The following ARHGAP26 variants were observed in gnomAD, a reference collection of about 807,000 sequenced individuals.
ARHGAP26 encodes Rho GTPase activating protein 26, also known as rho GTPase-activating protein 26.
Under a neutral mutation model 104.8 loss-of-function variants are expected in ARHGAP26, and 38 were observed. That is an observed-to-expected ratio of 0.36 (90% confidence interval 0.28 to 0.48). The LOEUF is 0.48. Among genes scored for constraint, ARHGAP26 ranks in the 20% least tolerant of loss-of-function variants. ARHGAP26 has a pLI of 0.99. For synonymous variants in ARHGAP26, 341 were observed against 340.0 expected, an observed-to-expected ratio of 1.00 and a Z score of -0.03; for missense variants, 704 against 947.9, an observed-to-expected ratio of 0.74 and a Z score of 3.38.
At chr5:143,020,258 T>C (rs896687362) in intron 12 of ARHGAP26, among the ~76,000 whole-genome samples, 4 of 152,054 alleles carry the variant, frequency 2.6e-5, no homozygotes, top group Non-Finnish European at 5.9e-5. Context: ...TTCTGGGAGT[T>C]CTTAAGGGCA....
chr5:143,094,775 G>A (rs1255984662), intron 17 of ARHGAP26, among the ~76,000 whole-genome samples: 1 of 152,128 alleles, frequency 6.6e-6, no homozygotes, highest in Non-Finnish European at 1.5e-5. Flanking sequence ...GAGAGTGATG[G>A]GGTGAGTGGT....
chr5:142,840,428 TTTG>T (rs901314953), intron 1 of ARHGAP26, among the ~76,000 whole-genome samples: 5 of 152,194 alleles, frequency 3.3e-5, no homozygotes, highest in African/African-American at 7.2e-5. Flanking sequence ...AATCACTGTT[TTTG>T]TTGTTGTTGT....
At chr5:142,949,198 A>AGGAGAGAG (rs1554167181) in intron 11 of ARHGAP26, among the ~76,000 whole-genome samples, 10 of 31,524 alleles carry the variant, frequency 3.2e-4, no homozygotes, top group East Asian at 2.5e-3. Context: ...AGAGAGAGAG[A>AGGAGAGAG]GAGAGAGAGA....
At chr5:142,831,215 C>G (rs118184223) in intron 1 of ARHGAP26, among the ~76,000 whole-genome samples, 3 of 152,146 alleles carry the variant, frequency 2.0e-5, no homozygotes, top group Non-Finnish European at 4.4e-5. Context: ...AGCCAGATCC[C>G]AATACTCTGT....
At chr5:143,052,264 G>A (rs865958704) in intron 14 of ARHGAP26, among the ~76,000 whole-genome samples, 4 of 152,224 alleles carry the variant, frequency 2.6e-5, no homozygotes, top group Middle Eastern at 3.4e-3. Context: ...GAGGTCAGGA[G>A]TTCAAGACCA....
chr5:142,996,483 ACT>A (rs1182858511), intron 11 of ARHGAP26, among the ~76,000 whole-genome samples: 2 of 151,934 alleles, frequency 1.3e-5, no homozygotes, highest in African/African-American at 2.4e-5. Context: ...ACAGAGCAAG[ACT>A]CTGTCTTGAA....
At chr5:143,030,660 G>T (rs538206010) in intron 12 of ARHGAP26, among the ~76,000 whole-genome samples, 103 of 152,350 alleles carry the variant, frequency 6.8e-4, no homozygotes, top group African/African-American at 2.4e-3. Context: ...CTCTCAGAGG[G>T]TTTATATCAG....
intron 11 of ARHGAP26, among the ~76,000 whole-genome samples, chr5:142,998,254 G>A (rs2152775744): frequency 6.6e-6 from 1 of 152,228 alleles, no homozygotes; most frequent in Non-Finnish European, 1.5e-5. Flanking sequence ...TTAGTACAGG[G>A]CAGAGGAACC....
At chr5:142,868,074 T>G (rs974438046) in intron 1 of ARHGAP26, 1 of 152,236 alleles carries the variant, frequency 6.6e-6, no homozygotes, top group African/African-American at 2.4e-5. Flanking sequence ...AGGCATTACT[T>G]GAAGAGAAGA....
chr5:142,838,729 C>T (rs1397838804), intron 1 of ARHGAP26, among the ~76,000 whole-genome samples: 1 of 152,150 alleles, frequency 6.6e-6, no homozygotes, highest in African/African-American at 2.4e-5. Context: ...GTTTGAGGCA[C>T]TTGTGTCTAG....
chr5:142,791,264 G>A (rs1472070250), intron 1 of ARHGAP26, among the ~76,000 whole-genome samples: 1 of 152,074 alleles, frequency 6.6e-6, no homozygotes, highest in Non-Finnish European at 1.5e-5. Context: ...CTTTGGGGTA[G>A]CCCAAGAAAT....
chr5:142,796,054 C>CTGTGTGTGTGTG (rs71890315), intron 1 of ARHGAP26, among the ~76,000 whole-genome samples: 97 of 144,150 alleles, frequency 6.7e-4, no homozygotes, highest in African/African-American at 2.3e-3. Context: ...AGGTGTTTTT[C>CTGTGTGTGTGTG]TGTGTGTGTG....
chr5:142,844,228 T>G (rs1003561673), intron 1 of ARHGAP26, among the ~76,000 whole-genome samples: 19 of 151,640 alleles, frequency 1.3e-4, no homozygotes, highest in African/African-American at 4.1e-4. Context: ...TTTTTGTATT[T>G]TTAGTAGAGA....
chr5:142,805,947 G>A (rs1278079903), intron 1 of ARHGAP26, among the ~76,000 whole-genome samples: 1 of 152,196 alleles, frequency 6.6e-6, no homozygotes, highest in African/African-American at 2.4e-5. Flanking sequence ...ATTCCCTAAT[G>A]TGGAAATCCA....
chr5:142,988,128 C>T (rs1015863609), intron 11 of ARHGAP26, among the ~76,000 whole-genome samples: 1 of 152,082 alleles, frequency 6.6e-6, no homozygotes, highest in African/African-American at 2.4e-5. Context: ...TGATCCTGGA[C>T]GTTTTTTGGT....
rs185840840 is a variant in ARHGAP26 at position 143,028,264 on chromosome 5, A to G, written c.1145-8932A>G. Among the ~76,000 whole-genome samples the G allele has an allele frequency of 2.7e-3, 408 of 152,324 alleles. 4 individuals carry two copies. The highest frequency in any genetic ancestry group is 9.4e-3 in the African/African-American group (390 of 41,560). On this transcript the variant is annotated intron_variant, in intron 12 of 22. Coordinates refer to ENST00000645722, the MANE Select transcript of ARHGAP26 (RefSeq NM_001135608.3). ...TGCTCAGTAAGTGTTAGCCACGGTT[A>G]TCATTGCTGTTGTTACCACTTAACG...
chr5:142,971,990 T>TG (rs1431979385), intron 11 of ARHGAP26, among the ~76,000 whole-genome samples: 2 of 152,124 alleles, frequency 1.3e-5, no homozygotes, highest in Non-Finnish European at 2.9e-5. Context: ...GAGACCAGCC[T>TG]GGCCAACATG....
intron 20 of ARHGAP26, among the ~76,000 whole-genome samples, chr5:143,187,147 G>T (rs988195778): frequency 6.6e-6 from 1 of 152,084 alleles, no homozygotes; most frequent in African/African-American, 2.4e-5. Context: ...TCCCCATTTT[G>T]CAGGCAAAGA....
At chr5:143,178,501 T>C (rs1003890966) in intron 20 of ARHGAP26, among the ~76,000 whole-genome samples, 16 of 152,242 alleles carry the variant, frequency 1.1e-4, no homozygotes, top group African/African-American at 3.9e-4. Context: ...CTACACTTGC[T>C]AACATCTGCT....
Sources: allele counts gnomAD v4.1 joint callset (sites outside exome capture counted in the v4.1 genomes callset), GRCh38; gene constraint gnomAD v4.1.1; transcripts MANE v1.5; gene names NCBI Gene and HGNC (gene_info 2026-07-23, HGNC 2026-07-21).